Variants in PCDHA7 observed in about 807,000 individuals in gnomAD.
The protein encoded by PCDHA7 is protocadherin alpha 7, also known as protocadherin alpha-7.
A neutral mutation model predicts 57.2 loss-of-function variants in PCDHA7; 37 were observed. That is an observed-to-expected ratio of 0.65 (90% CI 0.50 to 0.85). The LOEUF (loss-of-function observed/expected upper bound fraction) is 0.85, where lower values mean the gene tolerates loss of function less well. PCDHA7 is among the 40% of genes least tolerant of loss of function. PCDHA7 has a pLI of 0.00. For synonymous variants in PCDHA7, 553 were observed against 558.8 expected (o/e 0.99, Z 0.15); for missense variants, 1,188 against 1,241.8 (o/e 0.96, Z 0.65).
chr5:140,952,176 C>G (rs1300041660), intron 1 of PCDHA7, among the ~76,000 whole-genome samples: 1 of 152,058 alleles, frequency 6.6e-6, no homozygotes, highest in African/African-American at 2.4e-5. Flanking sequence ...GTTCCTGCAG[C>G]TGCTCTCATG....
At chr5:140,880,628 A>T (rs566696364) in intron 1 of PCDHA7, among the ~76,000 whole-genome samples, 46 of 152,352 alleles carry the variant, frequency 3.0e-4, no homozygotes, top group Non-Finnish European at 4.4e-5. Flanking sequence ...GGAGTTAATT[A>T]TCAATTCACT....
At chr5:140,898,818 A>G (rs2066994592) in intron 1 of PCDHA7, among the ~76,000 whole-genome samples, 1 of 152,216 alleles carries the variant, frequency 6.6e-6, no homozygotes, top group Admixed American at 6.5e-5. Flanking sequence ...CTTCCTACCC[A>G]TGAGCATGGA....
chr5:140,914,302 A>G (rs1168032612), intron 1 of PCDHA7, among the ~76,000 whole-genome samples: 4 of 152,144 alleles, frequency 2.6e-5, no homozygotes, highest in African/African-American at 9.7e-5. Context: ...CTCTTGCTGA[A>G]TTGACCCCAT....
chr5:140,852,292 T>C (rs1554145741), intron 1 of PCDHA7: 1 of 478,914 alleles, frequency 2.1e-6, no homozygotes, highest in African/African-American at 2.1e-5. Context: ...CTTTTTATTT[T>C]TCTGAGACGG....
chr5:140,906,076 C>T (rs541119722), intron 1 of PCDHA7, among the ~76,000 whole-genome samples: 2 of 152,326 alleles, frequency 1.3e-5, no homozygotes, highest in African/African-American at 4.8e-5. Context: ...AGATCGCACC[C>T]ACCCAGACTG....
At chr5:140,870,819 G>C (rs1365807310) in intron 1 of PCDHA7, 3 of 1,613,714 alleles carry the variant, frequency 1.9e-6, no homozygotes, top group South Asian at 1.1e-5. Flanking sequence ...CTGGCAGCGC[G>C]GGAGGCGCAG....
At chr5:140,974,721 G>T (rs1033117636) in intron 1 of PCDHA7, among the ~76,000 whole-genome samples, 1 of 152,050 alleles carries the variant, frequency 6.6e-6, no homozygotes, top group Non-Finnish European at 1.5e-5. Context: ...AGCTGCTCTC[G>T]AACTCCTGTC....
chr5:140,885,283 T>C (rs1326439795), intron 1 of PCDHA7, among the ~76,000 whole-genome samples: 2 of 152,298 alleles, frequency 1.3e-5, no homozygotes, highest in Admixed American at 6.5e-5. Context: ...TATATACATA[T>C]ATAGAGAGAG....
At chr5:140,993,463 CACACACACACACACACACA>C (rs1563592092) in intron 3 of PCDHA7, among the ~76,000 whole-genome samples, 163 of 7,580 alleles carry the variant, frequency 0.022, 1 homozygote, top group African/African-American at 0.091. Context: ...CTTTCTTTCT[CACACACACACACACACACA>C]CACACACACA....
At chr5:140,840,282 G>A (rs1294599981) in intron 1 of PCDHA7, among the ~76,000 whole-genome samples, 2 of 151,906 alleles carry the variant, frequency 1.3e-5, no homozygotes, top group Non-Finnish European at 2.9e-5. Flanking sequence ...TGGGTTTTGG[G>A]TGATTATTGA....
chr5:140,897,727 T>G (rs1468942464), intron 1 of PCDHA7, among the ~76,000 whole-genome samples: 1 of 152,148 alleles, frequency 6.6e-6, no homozygotes, highest in Non-Finnish European at 1.5e-5. Context: ...CTGGGTCAAA[T>G]AGTATTTCTA....
chr5:140,897,762 A>C (rs572488219), intron 1 of PCDHA7, among the ~76,000 whole-genome samples: 15 of 152,204 alleles, frequency 9.9e-5, no homozygotes, highest in African/African-American at 2.7e-4. Context: ...AGGAATCGCC[A>C]CACTGACTTC....
chr5:140,884,444 C>G (rs1186302015), intron 1 of PCDHA7: 1 of 1,613,776 alleles, frequency 6.2e-7, no homozygotes, highest in East Asian at 2.2e-5. Flanking sequence ...GTGCTCGGCA[C>G]CGCCCACCGA....
intron 1 of PCDHA7, among the ~76,000 whole-genome samples, chr5:140,845,188 T>C (rs1416130402): frequency 1.3e-5 from 2 of 149,344 alleles, no homozygotes; most frequent in African/African-American, 4.9e-5. Flanking sequence ...CTTTAAAAAA[T>C]ATGATTGTTT....
chr5:140,870,675 C>G, intron 1 of PCDHA7: 1 of 1,612,672 alleles, frequency 6.2e-7, no homozygotes, highest in Non-Finnish European at 8.5e-7. Context: ...CGTTGGACCA[C>G]GAGGAGCTGG....
chr5:140,887,045 T>C (rs2061271952), intron 1 of PCDHA7, among the ~76,000 whole-genome samples: 1 of 152,108 alleles, frequency 6.6e-6, no homozygotes, highest in Non-Finnish European at 1.5e-5. Context: ...TTTTTTATAG[T>C]GCATATGTTC....
Position 141,011,176 on chromosome 5 carries a change from A to G in PCDHA7, c.*1239A>G, listed in dbSNP as rs1198355681. On this transcript the variant is annotated 3_prime_UTR_variant, in exon 4 of 4. Coordinates refer to ENST00000525929, the MANE Select transcript of PCDHA7 (RefSeq NM_018910.3). The stretch of plus-strand genomic sequence containing the variant: ...ACCAACTATATATCAAGACCCAAAA[A>G]TTGAAGAAAAATATTGTTTTCTCAT... 1 of 153,724 alleles carries G rather than the reference A, an allele frequency of 6.5e-6. No homozygotes were observed. The highest frequency in any genetic ancestry group is 1.5e-5 in the Non-Finnish European group (1 of 68,024). The allele number at this position is 153,724 out of a possible 1,614,324, so 9.5% of individuals were successfully genotyped here.
Position 140,997,511 on chromosome 5 carries a change from G to A in PCDHA7, c.2504-12116G>A, listed in dbSNP as rs565737825. Among the ~76,000 whole-genome samples, 79 of 152,108 alleles carry A rather than the reference G, an allele frequency of 5.2e-4. No individual in the cohort carries two copies. In the South Asian group the frequency reaches 1.0e-2, roughly 19 times the overall value. ...TTTGTGTATCTCAACATACCTAAACGCAGAAAAAGTACAATAAAAATACAT... is the reference window on the plus strand; with the variant it reads ...TTTGTGTATCTCAACATACCTAAACACAGAAAAAGTACAATAAAAATACAT... On this transcript the variant is annotated intron_variant, in intron 3 of 3. Transcript: ENST00000525929.
chr5:141,008,147 G>A (rs782783615), intron 3 of PCDHA7, among the ~76,000 whole-genome samples: 9 of 152,114 alleles, frequency 5.9e-5, no homozygotes, highest in Non-Finnish European at 1.3e-4. Context: ...CTGCTGAGAG[G>A]TTTGATAAGA....
Sources: gnomAD v4.1 joint callset for allele counts (sites outside exome capture counted in the v4.1 genomes callset) on GRCh38, gnomAD v4.1.1 for gene constraint, MANE v1.5 for transcripts, NCBI Gene and HGNC (gene_info 2026-07-23, HGNC 2026-07-21) for gene names.